Variants in MCTP1 observed in about 807,000 individuals in gnomAD.
The protein encoded by MCTP1 is multiple C2 and transmembrane domain containing 1, also known as multiple C2 and transmembrane domain-containing protein 1.
A neutral mutation model predicts 120.6 loss-of-function variants in MCTP1; 69 were observed. The observed-to-expected ratio is 0.57, with a 90% confidence interval of 0.47 to 0.70. MCTP1 has a LOEUF of 0.70. Among genes scored for constraint, MCTP1 ranks in the 30% least tolerant of loss-of-function variants. The pLI is 0.00. For synonymous variants in MCTP1, 529 were observed against 493.1 expected (o/e 1.07, Z -0.96); for missense variants, 1,203 against 1,248.8 (o/e 0.96, Z 0.55).
intron 1 of MCTP1, among the ~76,000 whole-genome samples, chr5:95,266,701 A>C (rs1758911913): frequency 6.6e-6 from 1 of 152,190 alleles, no homozygotes; most frequent in South Asian, 2.1e-4. Flanking sequence ...TAATGGTTGG[A>C]TGCTTAAAGC....
At chr5:95,106,182 G>C (rs1394970117) in intron 1 of MCTP1, among the ~76,000 whole-genome samples, 2 of 152,128 alleles carry the variant, frequency 1.3e-5, no homozygotes, top group African/African-American at 4.8e-5. Context: ...ATCACAGATG[G>C]GCCATCGCAG....
intron 11 of MCTP1, among the ~76,000 whole-genome samples, chr5:94,892,971 C>T (rs1415429055): frequency 2.6e-5 from 4 of 152,024 alleles, no homozygotes; most frequent in Non-Finnish European, 4.4e-5. Flanking sequence ...ATAGTGGTTT[C>T]GTAGCAGGTA....
At chr5:95,012,279 T>A (rs1836153938) in intron 2 of MCTP1, among the ~76,000 whole-genome samples, 1 of 152,190 alleles carries the variant, frequency 6.6e-6, no homozygotes, top group African/African-American at 2.4e-5. Flanking sequence ...ACAATGAGAA[T>A]CATGACTGTC....
intron 12 of MCTP1, among the ~76,000 whole-genome samples, chr5:94,875,084 TTGAAGAAGAA>T (rs1441929938): frequency 2.0e-5 from 3 of 152,162 alleles, no homozygotes; most frequent in African/African-American, 7.2e-5. Context: ...GGAGTTTACA[TTGAAGAAGAA>T]GACAGACAAG....
At position 94,891,708 on chromosome 5, in the gene MCTP1, C is replaced by A. The variant is rs559664770; in HGVS notation, c.1840-2736G>T. The stretch of plus-strand genomic sequence containing the variant: ...CTCCATAATTTATTGCAAATTTCAA[C>A]GGTTTAGGCCAGTGACACATCGATT... On this transcript the variant is annotated intron_variant, in intron 11 of 22. Transcript: ENST00000515393. 4.0e-5 allele frequency among the ~76,000 whole-genome samples: 6 copies of A among 151,122 alleles called. No individual in the cohort carries two copies. The East Asian group carries it at 1.2e-3, about 29-fold the overall frequency.
At chr5:94,810,494 C>T (rs1044462311) in intron 17 of MCTP1, among the ~76,000 whole-genome samples, 11 of 152,162 alleles carry the variant, frequency 7.2e-5, no homozygotes, top group African/African-American at 2.2e-4. Context: ...GTTCTCTATA[C>T]TGTGCCAGAA....
At chr5:95,070,764 C>G (rs1415053135) in intron 1 of MCTP1, among the ~76,000 whole-genome samples, 1 of 152,204 alleles carries the variant, frequency 6.6e-6, no homozygotes, top group African/African-American at 2.4e-5. Flanking sequence ...TTGGTGAATT[C>G]ATCCCGCAGT....
At chr5:94,715,709 C>CT (rs895422634) in intron 19 of MCTP1, among the ~76,000 whole-genome samples, 4 of 152,116 alleles carry the variant, frequency 2.6e-5, no homozygotes, top group African/African-American at 4.8e-5. Flanking sequence ...CAGTGGTGGC[C>CT]TTTCACAATT....
chr5:94,754,382 G>C (rs530407857), intron 19 of MCTP1, among the ~76,000 whole-genome samples: 2 of 152,106 alleles, frequency 1.3e-5, no homozygotes, highest in Non-Finnish European at 2.9e-5. Flanking sequence ...ATAGTAAAAA[G>C]TCTTATTTTC....
chr5:94,799,368 CA>C (rs1340236849), intron 17 of MCTP1, among the ~76,000 whole-genome samples: 1 of 151,964 alleles, frequency 6.6e-6, no homozygotes, highest in Non-Finnish European at 1.5e-5. Context: ...AAGTTGATAT[CA>C]TTACGTTGTC....
At chr5:94,826,714 G>A (rs549258889) in intron 17 of MCTP1, 1 of 395,526 alleles carries the variant, frequency 2.5e-6, no homozygotes, top group East Asian at 5.8e-5. Context: ...TGGAAAAAGA[G>A]GAAGTTGACA....
At chr5:95,033,968 C>A (rs1157756379) in intron 1 of MCTP1, among the ~76,000 whole-genome samples, 1 of 151,914 alleles carries the variant, frequency 6.6e-6, no homozygotes, top group Non-Finnish European at 1.5e-5. Context: ...ATCCCATTTA[C>A]AATAGCCACA....
chr5:95,273,079 C>T (rs1007378569), intron 1 of MCTP1, among the ~76,000 whole-genome samples: 1 of 152,240 alleles, frequency 6.6e-6, no homozygotes, highest in African/African-American at 2.4e-5. Flanking sequence ...GGTTTGGCCC[C>T]ACAGGGCGCA....
intron 2 of MCTP1, among the ~76,000 whole-genome samples, chr5:95,009,244 G>A (rs930977464): frequency 4.6e-5 from 7 of 151,948 alleles, no homozygotes; most frequent in Admixed American, 2.0e-4. Flanking sequence ...TACTATATCC[G>A]CCATGACCCA....
intron 17 of MCTP1, among the ~76,000 whole-genome samples, chr5:94,819,533 T>C (rs1225515241): frequency 6.6e-6 from 1 of 152,186 alleles, no homozygotes; most frequent in Non-Finnish European, 1.5e-5. Context: ...TATTCATAGA[T>C]TTCCTGCCTT....
At chr5:94,842,850 G>A (rs1393777774) in intron 17 of MCTP1, among the ~76,000 whole-genome samples, 1 of 152,060 alleles carries the variant, frequency 6.6e-6, no homozygotes, top group African/African-American at 2.4e-5. Flanking sequence ...ATTTAGAGAA[G>A]CTGCAATTGA....
chr5:95,081,495 A>G (rs765899202), intron 1 of MCTP1: 1 of 1,608,426 alleles, frequency 6.2e-7, no homozygotes, highest in South Asian at 1.1e-5. Context: ...TTGATTAGAA[A>G]TGAACAAAAC....
At chr5:95,163,967 C>T (rs1746038419) in intron 1 of MCTP1, among the ~76,000 whole-genome samples, 1 of 152,154 alleles carries the variant, frequency 6.6e-6, no homozygotes, top group Non-Finnish European at 1.5e-5. Flanking sequence ...AATTAATATA[C>T]TGTAATGCCA....
At chr5:94,867,077 C>T in intron 17 of MCTP1, 1 of 461,578 alleles carries the variant, frequency 2.2e-6, no homozygotes, top group South Asian at 5.2e-5. Context: ...CATAGAAGCT[C>T]AGTATCATTT....
Sources: gnomAD v4.1 joint callset for allele counts (sites outside exome capture counted in the v4.1 genomes callset) on GRCh38, gnomAD v4.1.1 for gene constraint, MANE v1.5 for transcripts, NCBI Gene and HGNC (gene_info 2026-07-23, HGNC 2026-07-21) for gene names.